Variants in PCDH11X observed in about 807,000 individuals in gnomAD.
PCDH11X encodes the protein protocadherin-11 X-linked.
PCDH11X carries 18 observed loss-of-function variants against 53.3 expected under a neutral mutation model. That is an observed-to-expected ratio of 0.34 (90% CI 0.23 to 0.50). PCDH11X has a LOEUF of 0.50. Ranked by LOEUF, PCDH11X falls within the 20% of genes least tolerant of loss-of-function variation. The pLI, the probability that PCDH11X is intolerant of heterozygous loss-of-function variation, is 0.98. For synonymous variants in PCDH11X, 279 were observed against 393.3 expected (o/e 0.71, Z 3.44); for missense variants, 570 against 1,032.4 (o/e 0.55, Z 6.14).
chrX:91,830,948 C>T (rs1937083839), intron 4 of PCDH11X, among the ~76,000 whole-genome samples: 1 of 111,201 alleles, frequency 9.0e-6, no homozygotes, highest in South Asian at 3.7e-4. Context: ...GAAACCAGCA[C>T]TATAATGAAG....
chrX:92,234,492 C>T (rs970838720), intron 7 of PCDH11X, among the ~76,000 whole-genome samples: 1 of 111,803 alleles, frequency 8.9e-6, no homozygotes, highest in Non-Finnish European at 1.9e-5. Context: ...ATAGTTTTGT[C>T]ATGCATTCTG....
intron 6 of PCDH11X, among the ~76,000 whole-genome samples, chrX:91,929,776 C>A (rs1383479241): frequency 9.0e-6 from 1 of 111,201 alleles, no homozygotes; most frequent in African/African-American, 3.3e-5. Flanking sequence ...AAAAAATATG[C>A]AGTAAAGATT....
intron 10 of PCDH11X, among the ~76,000 whole-genome samples, chrX:92,519,280 A>T (rs1158150438): frequency 9.4e-6 from 1 of 106,889 alleles, no homozygotes; most frequent in Non-Finnish European, 2.0e-5. Flanking sequence ...TCTCATTCAT[A>T]ATTGAAGCCA....
intron 8 of PCDH11X, among the ~76,000 whole-genome samples, chrX:92,279,041 C>T (rs2068184895): frequency 1.8e-5 from 2 of 110,983 alleles, no homozygotes; most frequent in South Asian, 7.6e-4. Flanking sequence ...GAACTCCCGA[C>T]CTCAGGTGAT....
At chrX:92,056,614 T>A in intron 6 of PCDH11X, among the ~76,000 whole-genome samples, 1 of 110,448 alleles carries the variant, frequency 9.1e-6, no homozygotes. Flanking sequence ...CCCATGTCTA[T>A]GTCCTGAATG....
At chrX:92,578,975 A>C (rs1923313636) in intron 10 of PCDH11X, among the ~76,000 whole-genome samples, 1 of 110,824 alleles carries the variant, frequency 9.0e-6, no homozygotes, top group Non-Finnish European at 1.9e-5. Context: ...TGCTTGTCTG[A>C]AAAGTATTTT....
At chrX:91,824,869 C>G (rs1936847408) in intron 4 of PCDH11X, among the ~76,000 whole-genome samples, 1 of 107,511 alleles carries the variant, frequency 9.3e-6, no homozygotes, top group Non-Finnish European at 1.9e-5. Context: ...GATGTCCTTT[C>G]TGTTTGTTAG....
At chrX:91,994,069 T>C (rs1412449569) in intron 6 of PCDH11X, among the ~76,000 whole-genome samples, 2 of 93,641 alleles carry the variant, frequency 2.1e-5, no homozygotes, top group Middle Eastern at 5.1e-3. Flanking sequence ...TGAGGTAAGA[T>C]TTAACAAATA....
chrX:92,053,574 CT>C (rs146294962), intron 6 of PCDH11X, among the ~76,000 whole-genome samples: 20,584 of 92,359 alleles, frequency 0.22, 2,758 homozygotes, highest in East Asian at 0.81. Flanking sequence ...TGAACTGAGT[CT>C]TTTTTTTTTT....
intron 10 of PCDH11X, among the ~76,000 whole-genome samples, chrX:92,597,120 G>A (rs890590323): frequency 9.0e-6 from 1 of 111,367 alleles, no homozygotes; most frequent in Non-Finnish European, 1.9e-5. Flanking sequence ...GATTTGCAAC[G>A]TGACAAGGAT....
chrX:92,596,899 G>A (rs1418646374), intron 10 of PCDH11X, among the ~76,000 whole-genome samples: 1 of 109,158 alleles, frequency 9.2e-6, no homozygotes. Flanking sequence ...CACAAGGATG[G>A]TTCAGCATAA....
intron 9 of PCDH11X, among the ~76,000 whole-genome samples, chrX:92,393,806 G>T (rs1356328104): frequency 1.8e-5 from 2 of 110,601 alleles, no homozygotes; most frequent in Non-Finnish European, 3.8e-5. Context: ...GTTTTAGAGA[G>T]AATAAGGTAT....
intron 6 of PCDH11X, among the ~76,000 whole-genome samples, chrX:92,188,471 G>A (rs1186195572): frequency 9.0e-6 from 1 of 111,250 alleles, no homozygotes; most frequent in Admixed American, 9.6e-5. Context: ...TGCTAAGGGA[G>A]AACAAGTCCA....
intron 10 of PCDH11X, among the ~76,000 whole-genome samples, chrX:92,482,280 T>A (rs1247263806): frequency 1.8e-5 from 2 of 111,982 alleles, no homozygotes; most frequent in Non-Finnish European, 3.8e-5. Flanking sequence ...TTTCCATTAT[T>A]TTTTTTTCTA....
intron 6 of PCDH11X, among the ~76,000 whole-genome samples, chrX:92,186,536 A>C (rs2066098624): frequency 9.1e-6 from 1 of 109,483 alleles, no homozygotes; most frequent in African/African-American, 3.3e-5. Context: ...GCTGAGGCAG[A>C]AGAACGGCTT....
In PCDH11X at chrX:91,977,548, A is replaced by G. The variant is rs187303235; in HGVS notation, c.3033+98275A>G. Among the ~76,000 whole-genome samples, 705 of 111,627 alleles carry G rather than the reference A, an allele frequency of 6.3e-3. 5 individuals are homozygous for G. The highest frequency in any genetic ancestry group is 0.022 in the African/African-American group (677 of 30,649). On this transcript the variant is annotated intron_variant, in intron 6 of 10. Transcript: ENST00000682573. ...CCTTAGCTATGAGTGAACTGAGTCAATGAGCACATGTTAAGCATTTGTAGT... is the reference window on the plus strand; with the variant it reads ...CCTTAGCTATGAGTGAACTGAGTCAGTGAGCACATGTTAAGCATTTGTAGT...
chrX:92,072,054 C>G (rs1169253996), intron 6 of PCDH11X, among the ~76,000 whole-genome samples: 7 of 110,873 alleles, frequency 6.3e-5, no homozygotes, highest in Non-Finnish European at 1.1e-4. Context: ...GGCAGAGGAG[C>G]CTCTCCCTGT....
At chrX:92,251,222 C>G (rs1017334246) in intron 7 of PCDH11X, among the ~76,000 whole-genome samples, 1 of 109,814 alleles carries the variant, frequency 9.1e-6, no homozygotes, top group Admixed American at 9.8e-5. Flanking sequence ...AGTTGAACCT[C>G]GATAATACGG....
intron 10 of PCDH11X, among the ~76,000 whole-genome samples, chrX:92,507,305 C>T (rs373353563): frequency 1.6e-3 from 171 of 110,305 alleles, no homozygotes; most frequent in Non-Finnish European, 2.7e-3. Context: ...GTTCTCTAGG[C>T]GTGATATTAT....
Sources: allele counts gnomAD v4.1 joint callset (sites outside exome capture counted in the v4.1 genomes callset), GRCh38; gene constraint gnomAD v4.1.1; transcripts MANE v1.5; gene names NCBI Gene and HGNC (gene_info 2026-07-23, HGNC 2026-07-21).